The following NDUFA9 variants were observed in gnomAD, a reference collection of about 807,000 sequenced individuals.
NDUFA9 encodes the protein NADH dehydrogenase [ubiquinone] 1 alpha subcomplex subunit 9, mitochondrial.
A neutral mutation model predicts 45.9 loss-of-function variants in NDUFA9; 23 were observed. The observed-to-expected ratio is 0.50, with a 90% CI of 0.36 to 0.71. The LOEUF is 0.71. Ranked by LOEUF, NDUFA9 falls within the 30% of genes least tolerant of loss-of-function variation. The pLI, the probability that NDUFA9 is intolerant of heterozygous loss-of-function variation, is 0.00. For synonymous variants in NDUFA9, 176 were observed against 170.5 expected, an observed-to-expected ratio of 1.03 and a Z score of -0.25; for missense variants, 466 against 488.2, an observed-to-expected ratio of 0.95 and a Z score of 0.43.
chr12:4,665,872 G>A (rs1314691494), intron 6 of NDUFA9, among the ~76,000 whole-genome samples: 3 of 151,858 alleles, frequency 2.0e-5, no homozygotes, highest in African/African-American at 7.3e-5. Flanking sequence ...TACAATCACA[G>A]CTCACTGCAG....
At chr12:4,682,448 A>C (rs1212206483) in intron 9 of NDUFA9, 148 bp downstream of exon 9, 7 of 457,798 alleles carry the variant, frequency 1.5e-5, no homozygotes, top group Non-Finnish European at 2.8e-5. Flanking sequence ...AAGAAGCAGA[A>C]ATAGATTAGT....
chr12:4,677,043 A>T (rs912700834), intron 8 of NDUFA9, among the ~76,000 whole-genome samples: 2 of 152,236 alleles, frequency 1.3e-5, no homozygotes, highest in African/African-American at 4.8e-5. Context: ...AAAAACAAGC[A>T]ATGAGGAAAT....
rs576567136 is a variant in NDUFA9, at chr12:4,666,027, A to G, written c.656-2430A>G. Among the ~76,000 whole-genome samples, 6 of 151,608 alleles carry G rather than the reference A, an allele frequency of 4.0e-5. No homozygotes were observed. In the South Asian group the frequency reaches 1.3e-3, roughly 32 times the overall value. On this transcript the variant is annotated intron_variant, in intron 6 of 10. Transcript: ENST00000266544. ...GCTCTCTTGCCCGGGCTGGACTCAAACTCCTGGCCTCAAGCAGTCTTTTTG... is the reference window on the plus strand; with the variant it reads ...GCTCTCTTGCCCGGGCTGGACTCAAGCTCCTGGCCTCAAGCAGTCTTTTTG...
At chr12:4,661,374 GTTAA>G (rs1362473989) in intron 5 of NDUFA9, among the ~76,000 whole-genome samples, 1 of 152,166 alleles carries the variant, frequency 6.6e-6, no homozygotes, top group Admixed American at 6.5e-5. Flanking sequence ...GGGAAAGTAA[GTTAA>G]TTAGAGGAAA....
At chr12:4,654,535 T>C in intron 2 of NDUFA9, 73 bp downstream of exon 2, 1 of 1,504,816 alleles carries the variant, frequency 6.6e-7, no homozygotes, top group Non-Finnish European at 9.1e-7. Context: ...GCATGAGCTA[T>C]GTTTCTCTTC....
At chr12:4,670,815 A>C (rs1043193770) in intron 8 of NDUFA9, among the ~76,000 whole-genome samples, 1 of 152,238 alleles carries the variant, frequency 6.6e-6, no homozygotes, top group South Asian at 2.1e-4. Context: ...CAGGTTTCAT[A>C]AAATACTACA....
intron 6 of NDUFA9, among the ~76,000 whole-genome samples, chr12:4,666,237 T>C (rs1945852596): frequency 6.6e-6 from 1 of 152,242 alleles, no homozygotes; most frequent in African/African-American, 2.4e-5. Context: ...TTGGGTTGTT[T>C]ATTTTTTGTT....
intron 1 of NDUFA9, among the ~76,000 whole-genome samples, chr12:4,650,976 C>T (rs1041796019): frequency 6.6e-6 from 1 of 152,004 alleles, no homozygotes; most frequent in Non-Finnish European, 1.5e-5. Flanking sequence ...TGCAAGAGGA[C>T]CTAATAAGTT....
chr12:4,684,855 T>C (rs762801205), intron 9 of NDUFA9: 12 of 450,626 alleles, frequency 2.7e-5, no homozygotes, highest in African/African-American at 3.9e-5. Flanking sequence ...GGTTACGTTG[T>C]ATATTTTACA....
intron 3 of NDUFA9, chr12:4,655,373 T>TA (rs1330979713): frequency 1.3e-5 from 2 of 154,784 alleles, no homozygotes; most frequent in African/African-American, 4.8e-5. Flanking sequence ...CACATGTGGC[T>TA]ACTGAGCACA....
At chr12:4,655,130 G>A in intron 3 of NDUFA9, 3 of 510,498 alleles carry the variant, frequency 5.9e-6, no homozygotes, top group Non-Finnish European at 6.9e-6. Flanking sequence ...TTTCTTTGAA[G>A]GGACAGAGAG....
chr12:4,669,672 C>G, intron 7 of NDUFA9, 69 bp from the exon 8 acceptor site: 2 of 990,194 alleles, frequency 2.0e-6, no homozygotes, highest in South Asian at 1.5e-5. Context: ...TCCTTTCTTT[C>G]TATCTCTCCA....
chr12:4,665,091 A>C (rs1018319927), intron 6 of NDUFA9, among the ~76,000 whole-genome samples: 8 of 152,220 alleles, frequency 5.3e-5, no homozygotes, highest in Non-Finnish European at 1.2e-4. Flanking sequence ...TTTGGAGTTT[A>C]GAGTCTTGAG....
chr12:4,661,548 G>A (rs1382197202), intron 5 of NDUFA9, among the ~76,000 whole-genome samples: 1 of 151,908 alleles, frequency 6.6e-6, no homozygotes, highest in East Asian at 1.9e-4. Context: ...TCTAGGATTA[G>A]AATTTTGCCT....
At position 4,657,756 on chromosome 12, in the gene NDUFA9, C is replaced by A. The variant is rs376631091; in HGVS notation, c.327C>A (p.Asp109Glu). 6 of 1,611,900 alleles carry A rather than the reference C, an allele frequency of 3.7e-6. No homozygotes were observed. The African/African-American group carries it at 8.0e-5, about 22-fold the overall frequency. The change falls in exon 4 of 11, where the codon GAC (aspartate) becomes GAA (glutamate). Residue 109 changes from aspartate (D) to glutamate (E), a missense_variant. Coordinates refer to ENST00000266544, the MANE Select transcript of NDUFA9 (RefSeq NM_005002.5). ...GCTTTCTGCTATTATAGGAATGGGA[C>A]GCGAGAGATAAAGATTCTATCCGAC... Reference protein sequence around the residue: ...DLGQLLFLEWDARDKDSIRRV... With the variant: ...DLGQLLFLEWEARDKDSIRRV...
chr12:4,655,167 A>C, intron 3 of NDUFA9: 1 of 418,406 alleles, frequency 2.4e-6, no homozygotes, highest in Non-Finnish European at 4.3e-6. Flanking sequence ...TGCAGGTCGT[A>C]GAGTCTTTGT....
rs796230820 is a variant in NDUFA9, at chr12:4,691,813, T to TTG, written c.*4705_*4706insTG. 39 of 137,422 alleles carry TTG rather than the reference T, an allele frequency of 2.8e-4. No individual in the cohort carries two copies. Among genetic ancestry groups the TTG allele is most frequent in the African/African-American group, 9.6e-4 (35 of 36,360 alleles). The allele number at this position is 137,422 out of a possible 1,614,324, so 8.5% of individuals were successfully genotyped here. A position where few individuals can be genotyped will look rare whatever the true frequency, so the allele number is the denominator to read the frequency against. On this transcript the variant is annotated 3_prime_UTR_variant, in exon 11 of 11. Coordinates refer to ENST00000266544, the MANE Select transcript of NDUFA9 (RefSeq NM_005002.5). ...CATGTGGATCCTGTGAGGGCCAGGA[T>TTG]GGGGGGGGGGGTCATGGGTCATCTG...
intron 8 of NDUFA9, among the ~76,000 whole-genome samples, chr12:4,681,903 AAAT>A (rs1174767507): frequency 5.9e-5 from 9 of 152,178 alleles, no homozygotes; most frequent in Admixed American, 1.3e-4. Context: ...ACATGCAATA[AAAT>A]AATGATGTGG....
intron 1 of NDUFA9, among the ~76,000 whole-genome samples, chr12:4,649,689 C>G (rs565041237): frequency 5.1e-4 from 77 of 152,182 alleles, no homozygotes; most frequent in African/African-American, 1.8e-3. Context: ...TAAAAGCATC[C>G]TTTTACCCAA....
Sources: allele counts gnomAD v4.1 joint callset (sites outside exome capture counted in the v4.1 genomes callset), GRCh38; gene constraint gnomAD v4.1.1; transcripts MANE v1.5; gene names NCBI Gene and HGNC (gene_info 2026-07-23, HGNC 2026-07-21).